WDR26: variants seen among roughly 807,000 people sequenced by gnomAD.
The protein encoded by WDR26 is WD repeat domain 26, also known as WD repeat-containing protein 26.
In WDR26, 5 loss-of-function variants were observed where a neutral mutation model predicts 84.1. The observed-to-expected ratio is 0.06, with a 90% confidence interval of 0.03 to 0.13. WDR26 has a LOEUF of 0.13. WDR26 is among the 10% of genes least tolerant of loss of function. WDR26 has a pLI of 1.00. For synonymous variants in WDR26, 415 were observed against 389.6 expected (o/e 1.07, Z -0.77); for missense variants, 642 against 974.9 (o/e 0.66, Z 4.55).
At chr1:224,391,780 A>T (rs1456312959) in intron 13 of WDR26, among the ~76,000 whole-genome samples, 1 of 152,224 alleles carries the variant, frequency 6.6e-6, no homozygotes, top group Non-Finnish European at 1.5e-5. Context: ...TTTAATTAGA[A>T]AAAGTGTTTT....
intron 1 of WDR26, 63 bp downstream of exon 1, chr1:224,433,619 CCT>C: frequency 8.5e-7 from 1 of 1,170,188 alleles, no homozygotes; most frequent in Non-Finnish European, 1.1e-6. Context: ...CGCCCCTTCC[CCT>C]ACCCCCCTGG....
In WDR26 at chr1:224,385,232, C is replaced by CT. The variant is rs908634810; in HGVS notation, c.*4602dup. On this transcript the variant is annotated 3_prime_UTR_variant, in exon 14 of 14. Transcript: ENST00000414423. The stretch of plus-strand genomic sequence containing the variant: ...CTGCGCACTGACATGGAAAAAGTGT[C>CT]TTTAAAAAAAAATCCCAGTAAAGCA... The CT allele has an allele frequency of 6.6e-6, 1 of 151,984 alleles. No individual in the cohort carries two copies. The allele number at this position is 151,984 out of a possible 1,614,324, so 9.4% of individuals were successfully genotyped here.
At chr1:224,424,697 G>T in intron 3 of WDR26, 43 bp from the exon 4 acceptor site, 2 of 1,613,340 alleles carry the variant, frequency 1.2e-6, no homozygotes, top group South Asian at 1.1e-5. Flanking sequence ...AAAGTTGATG[G>T]AAGTTTCAGA....
chr1:224,411,671 C>T, intron 6 of WDR26, 106 bp from the exon 7 acceptor site: 1 of 1,220,616 alleles, frequency 8.2e-7, no homozygotes, highest in Non-Finnish European at 1.1e-6. Flanking sequence ...ACATCACTAA[C>T]TTTAAAAATA....
At chr1:224,408,949 AT>A (rs1673657567) in intron 7 of WDR26, among the ~76,000 whole-genome samples, 1 of 152,154 alleles carries the variant, frequency 6.6e-6, no homozygotes, top group Non-Finnish European at 1.5e-5. Context: ...ACACAACTCT[AT>A]TATTATTAAA....
At chr1:224,414,966 C>G (rs1019385203) in intron 6 of WDR26, among the ~76,000 whole-genome samples, 1 of 152,206 alleles carries the variant, frequency 6.6e-6, no homozygotes, top group Non-Finnish European at 1.5e-5. Flanking sequence ...ATAATTGCAC[C>G]ACTGCACTCC....
At position 224,434,260 on chromosome 1, in the gene WDR26, G is replaced by C. The variant is rs1438557529; in HGVS notation, c.146C>G (p.Ala49Gly). The change falls in exon 1 of 14, where the codon GCA becomes GGA. Residue 49 changes from alanine (A) to glycine (G), a missense_variant. Around this residue, in one of 2 missense-constraint regions of WDR26, gnomAD observed 291 missense variants for 302.1 expected, o/e 0.96. Transcript: ENST00000414423. ...CGACGAGGACGGAGGGGAGAGGCCT[G>C]CTCTGCCTGCCGAAGCCCCGGGCTC... 6.9e-6 allele frequency: 9 copies of C among 1,302,308 alleles called. No homozygotes were observed. The highest frequency in any genetic ancestry group is 8.8e-6 in the Non-Finnish European group (9 of 1,027,424). The allele number at this position is 1,302,308 out of a possible 1,614,324, so 80.7% of individuals were successfully genotyped here. A position where few individuals can be genotyped will look rare whatever the true frequency, so the allele number is the denominator to read the frequency against.
intron 8 of WDR26, 134 bp downstream of exon 8, chr1:224,404,296 T>C: frequency 3.7e-6 from 4 of 1,076,252 alleles, no homozygotes; most frequent in Non-Finnish European, 4.9e-6. Flanking sequence ...TGGGTTCCAC[T>C]TGAATAACTA....
rs1453964910 is a variant in WDR26 at position 224,388,502 on chromosome 1, C to T, written c.*1333G>A. ...AATTCTCAAAATTAAAAGTGCTTTTCCATGAAGGAAACCTTTCCTTAAACT... is the reference window on the plus strand; with the variant it reads ...AATTCTCAAAATTAAAAGTGCTTTTTCATGAAGGAAACCTTTCCTTAAACT... On this transcript the variant is annotated 3_prime_UTR_variant, in exon 14 of 14. Coordinates refer to ENST00000414423, the MANE Select transcript of WDR26 (RefSeq NM_001379403.1). 4 of 152,388 alleles carry T rather than the reference C, an allele frequency of 2.6e-5. No individual in the cohort carries two copies. Among genetic ancestry groups the T allele is most frequent in the Admixed American group, 6.6e-5 (1 of 15,256 alleles). The allele number at this position is 152,388 out of a possible 1,614,324, so 9.4% of individuals were successfully genotyped here.
At chr1:224,401,712 A>G (rs1477903180) in intron 8 of WDR26, among the ~76,000 whole-genome samples, 5 of 150,500 alleles carry the variant, frequency 3.3e-5, no homozygotes, top group Non-Finnish European at 5.9e-5. Context: ...GAAAAAAGAA[A>G]AAAAAAGAGA....
chr1:224,405,115 A>G (rs1434801475), intron 7 of WDR26, among the ~76,000 whole-genome samples: 2 of 152,026 alleles, frequency 1.3e-5, no homozygotes, highest in African/African-American at 2.4e-5. Context: ...CCTGGCAACC[A>G]CTACTTTCTG....
chr1:224,421,546 C>T (rs529896593), intron 4 of WDR26, among the ~76,000 whole-genome samples: 2 of 152,180 alleles, frequency 1.3e-5, no homozygotes, highest in South Asian at 2.1e-4. Context: ...GCCGAGATTG[C>T]GCCACTACAC....
intron 1 of WDR26, 58 bp downstream of exon 1, chr1:224,433,626 C>G (rs1222496797): frequency 6.8e-6 from 9 of 1,322,522 alleles, no homozygotes; most frequent in East Asian, 5.9e-5. Flanking sequence ...TCCCCTACCC[C>G]CCTGGAGCCT....
intron 6 of WDR26, among the ~76,000 whole-genome samples, chr1:224,416,016 G>T (rs192082447): frequency 6.6e-6 from 1 of 152,220 alleles, no homozygotes; most frequent in Non-Finnish European, 1.5e-5. Context: ...AAGAGTGAAG[G>T]AAAAGTAAGG....
intron 12 of WDR26, 107 bp from the exon 13 acceptor site, chr1:224,394,120 G>T: frequency 1.3e-6 from 1 of 786,596 alleles, no homozygotes; most frequent in Non-Finnish European, 1.8e-6. Flanking sequence ...AACTTAAAGG[G>T]AAAATAAATA....
chr1:224,396,386 C>A (rs765824470), intron 12 of WDR26, among the ~76,000 whole-genome samples: 1 of 151,942 alleles, frequency 6.6e-6, no homozygotes, highest in Non-Finnish European at 1.5e-5. Context: ...ATTGAATAGA[C>A]CATGGAAGAA....
At chr1:224,429,449 T>C (rs1427404186) in intron 3 of WDR26, 1 of 152,204 alleles carries the variant, frequency 6.6e-6, no homozygotes, top group Non-Finnish European at 1.5e-5. Flanking sequence ...CTAATAGTTG[T>C]CTTCTAAGAT....
At position 224,434,241 on chromosome 1, in the gene WDR26, G is replaced by T; in HGVS notation, c.165C>A (p.Ser55=). 2 of 1,378,088 alleles carry T rather than the reference G, an allele frequency of 1.5e-6. No homozygotes were observed. The highest frequency in any genetic ancestry group is 1.8e-5 in the South Asian group (1 of 54,808). The allele number at this position is 1,378,088 out of a possible 1,614,324, so 85.4% of individuals were successfully genotyped here. A position where few individuals can be genotyped will look rare whatever the true frequency, so the allele number is the denominator to read the frequency against. ...AGGAGGAGGAGGACGAGGACGACGA[G>T]GACGGAGGGGAGAGGCCTGCTCTGC... The change falls in exon 1 of 14, where the codon TCC becomes TCA. Residue 55 remains serine, a synonymous_variant. Coordinates refer to ENST00000414423, the MANE Select transcript of WDR26 (RefSeq NM_001379403.1).
At chr1:224,426,809 T>G (rs1674223041) in intron 3 of WDR26, among the ~76,000 whole-genome samples, 1 of 151,880 alleles carries the variant, frequency 6.6e-6, no homozygotes, top group Non-Finnish European at 1.5e-5. Flanking sequence ...GTTAAAAGTT[T>G]CATTCCACCG....
Sources: gnomAD v4.1 joint callset for allele counts (sites outside exome capture counted in the v4.1 genomes callset) on GRCh38, gnomAD v4.1.1 for gene constraint, gnomAD v4.1.1 regional missense constraint, MANE v1.5 for transcripts, NCBI Gene and HGNC (gene_info 2026-07-23, HGNC 2026-07-21) for gene names.